NPAS3: variants seen among roughly 807,000 people sequenced by gnomAD.
NPAS3 encodes the protein neuronal PAS domain-containing protein 3.
NPAS3 carries 14 observed loss-of-function variants against 73.1 expected under a neutral mutation model. That is an observed-to-expected ratio of 0.19 (90% CI 0.13 to 0.30). The LOEUF (loss-of-function observed/expected upper bound fraction) is 0.30, where lower values mean the gene tolerates loss of function less well. Among genes scored for constraint, NPAS3 ranks in the 10% least tolerant of loss-of-function variants. NPAS3 has a pLI of 1.00. For synonymous variants in NPAS3, 620 were observed against 541.5 expected (o/e 1.14, Z -2.01); for missense variants, 1,096 against 1,250.0 (o/e 0.88, Z 1.86).
chr14:33,170,150 C>A (rs1272050010), intron 2 of NPAS3, among the ~76,000 whole-genome samples: 1 of 152,184 alleles, frequency 6.6e-6, no homozygotes, highest in Non-Finnish European at 1.5e-5. Context: ...AGAGATAATG[C>A]AGGTTCAGTT....
chr14:33,700,147 T>C (rs2060489009), intron 6 of NPAS3, among the ~76,000 whole-genome samples: 1 of 152,190 alleles, frequency 6.6e-6, no homozygotes, highest in Non-Finnish European at 1.5e-5. Flanking sequence ...GCATTTATCT[T>C]GAAACTCATG....
intron 1 of NPAS3, among the ~76,000 whole-genome samples, chr14:33,018,386 T>A (rs911413163): frequency 2.0e-4 from 30 of 152,278 alleles, no homozygotes; most frequent in African/African-American, 6.7e-4. Flanking sequence ...AGTGGGATGG[T>A]CTTTTCAGGA....
rs147335927 is a variant in NPAS3 at position 33,126,614 on chromosome 14, G to C, written c.140+70620G>C. ...GTGATGGATGGGAAGGGCTTGGCCA[G>C]GATGAAAGGGTTTGGATGGTGTAAG... On this transcript the variant is annotated intron_variant, in intron 2 of 11. Coordinates refer to ENST00000356141, the Ensembl canonical transcript of NPAS3. 7.5e-3 allele frequency among the ~76,000 whole-genome samples: 1,135 copies of C among 152,216 alleles called. 11 individuals are homozygous for C. Among genetic ancestry groups the C allele is most frequent in the Middle Eastern group, 0.034 (10 of 294 alleles).
At chr14:33,151,834 G>T (rs1323555602) in intron 2 of NPAS3, among the ~76,000 whole-genome samples, 2 of 152,124 alleles carry the variant, frequency 1.3e-5, no homozygotes, top group African/African-American at 4.8e-5. Flanking sequence ...AAAAATAAGT[G>T]AAGAATAAAG....
chr14:33,363,055 C>G (rs969646282), intron 3 of NPAS3, among the ~76,000 whole-genome samples: 1 of 152,032 alleles, frequency 6.6e-6, no homozygotes, highest in Non-Finnish European at 1.5e-5. Context: ...GTGACTTTTC[C>G]CCTTTCATTA....
chr14:33,034,277 T>G (rs957184875), intron 1 of NPAS3, among the ~76,000 whole-genome samples: 4 of 151,846 alleles, frequency 2.6e-5, no homozygotes, highest in African/African-American at 9.7e-5. Context: ...TATAAAAACA[T>G]TTTGTCTTAA....
At chr14:33,123,071 A>G (rs1301548683) in intron 2 of NPAS3, among the ~76,000 whole-genome samples, 4 of 151,606 alleles carry the variant, frequency 2.6e-5, no homozygotes, top group African/African-American at 2.4e-5. Context: ...ACAAAGATAT[A>G]CCTTTTAAAC....
In NPAS3 at chr14:33,184,434, C is replaced by T. The variant is rs545670345; in HGVS notation, c.141-30748C>T. Among the ~76,000 whole-genome samples the T allele has an allele frequency of 4.6e-5, 7 of 152,172 alleles. No individual in the cohort carries two copies. In the East Asian group the frequency reaches 1.2e-3, roughly 25 times the overall value. ...GCTGGTTCATACGAGGCCTTTACAA[C>T]ATGTTGATGAGTTTGGAGCTTATGG... On this transcript the variant is annotated intron_variant, in intron 2 of 11. Coordinates refer to ENST00000356141, the Ensembl canonical transcript of NPAS3.
rs970623221 is a variant in NPAS3 at position 33,131,507 on chromosome 14, A to T, written c.140+75513A>T. ...AGGTTACATCCTTTATTTTACATGT[A>T]CAGTATTTAATATAAGTAATAAATG... On this transcript the variant is annotated intron_variant, in intron 2 of 11. Transcript: ENST00000356141. 1.3e-4 allele frequency among the ~76,000 whole-genome samples: 20 copies of T among 152,102 alleles called. 1 individual carries two copies. The highest frequency in any genetic ancestry group is 3.3e-4 in the Admixed American group (5 of 15,262).
At chr14:33,342,323 G>T (rs1471178483) in intron 3 of NPAS3, among the ~76,000 whole-genome samples, 1 of 152,218 alleles carries the variant, frequency 6.6e-6, no homozygotes, top group Admixed American at 6.5e-5. Context: ...AGGCAAAACT[G>T]CTTAAACCTA....
At chr14:33,323,251 A>G (rs1482939902) in intron 3 of NPAS3, among the ~76,000 whole-genome samples, 1 of 152,174 alleles carries the variant, frequency 6.6e-6, no homozygotes, top group African/African-American at 2.4e-5. Context: ...TACACCCCTC[A>G]CACCTCTTCT....
chr14:33,019,728 C>T (rs61385101), intron 1 of NPAS3, among the ~76,000 whole-genome samples: 2,602 of 152,182 alleles, frequency 0.017, 65 homozygotes, highest in African/African-American at 0.054. Flanking sequence ...GTTTGGAGTG[C>T]AACAACTGTA....
At chr14:33,636,515 T>C (rs2058519749) in intron 5 of NPAS3, among the ~76,000 whole-genome samples, 1 of 152,174 alleles carries the variant, frequency 6.6e-6, no homozygotes, top group Admixed American at 6.5e-5. Context: ...ATGTCAGGAC[T>C]TTCCTAACGC....
chr14:32,939,205 G>A (rs1277193661), upstream of NPAS3: 3 of 387,858 alleles, frequency 7.7e-6, no homozygotes, highest in East Asian at 9.5e-5. Context: ...CGCCGCGCAC[G>A]GCCGCACTCT....
intron 6 of NPAS3, among the ~76,000 whole-genome samples, chr14:33,717,079 G>A (rs897963982): frequency 6.6e-6 from 1 of 151,018 alleles, no homozygotes; most frequent in Non-Finnish European, 1.5e-5. Flanking sequence ...ACTGAGTAGA[G>A]AGGGAATGGG....
intron 3 of NPAS3, among the ~76,000 whole-genome samples, chr14:33,263,310 A>C (rs1442447739): frequency 2.0e-5 from 3 of 152,202 alleles, no homozygotes; most frequent in Non-Finnish European, 2.9e-5. Context: ...GGTGTAAGGA[A>C]GGGATCCAGT....
At chr14:33,652,532 C>A (rs570979878) in intron 5 of NPAS3, among the ~76,000 whole-genome samples, 23 of 152,290 alleles carry the variant, frequency 1.5e-4, no homozygotes, top group Non-Finnish European at 2.5e-4. Context: ...CAGGGGCTCG[C>A]AGAGCCCAAG....
intron 9 of NPAS3, among the ~76,000 whole-genome samples, chr14:33,784,736 TATTTA>T (rs2063095303): frequency 2.5e-4 from 26 of 104,966 alleles, no homozygotes; most frequent in East Asian, 2.7e-4. Flanking sequence ...TTTATTTATT[TATTTA>T]TTTATTTTTT....
At chr14:33,302,823 A>G (rs1377993384) in intron 3 of NPAS3, among the ~76,000 whole-genome samples, 1 of 152,112 alleles carries the variant, frequency 6.6e-6, no homozygotes, top group East Asian at 1.9e-4. Flanking sequence ...TTCCCATTTC[A>G]TATTTCCACA....
Sources: gnomAD v4.1 joint callset for allele counts (sites outside exome capture counted in the v4.1 genomes callset) on GRCh38, gnomAD v4.1.1 for gene constraint, MANE v1.5 for transcripts, NCBI Gene and HGNC (gene_info 2026-07-23, HGNC 2026-07-21) for gene names.